The following ANKRD26 variants were observed in gnomAD, a reference collection of about 807,000 sequenced individuals.
ANKRD26 encodes the protein ankyrin repeat domain 26, also known as ankyrin repeat domain-containing protein 26.
ANKRD26 carries 141 observed loss-of-function variants against 208.7 expected under a neutral mutation model. The observed-to-expected ratio is 0.68, with a 90% CI of 0.59 to 0.78. ANKRD26 has a LOEUF of 0.78. Ranked by LOEUF, ANKRD26 falls within the 30% of genes least tolerant of loss-of-function variation. The pLI is 0.00. For synonymous variants in ANKRD26, 636 were observed against 660.4 expected (o/e 0.96, Z 0.57); for missense variants, 1,889 against 1,938.7 (o/e 0.97, Z 0.48).
Position 27,005,629 on chromosome 10 carries a change from T to C in ANKRD26, c.5094A>G (p.Arg1698=), listed in dbSNP as rs1444867800. 1.2e-6 allele frequency: 2 copies of C among 1,613,042 alleles called. No individual in the cohort carries two copies. Among genetic ancestry groups the C allele is most frequent in the Non-Finnish European group, 1.7e-6 (2 of 1,179,486 alleles). ...LNQDLVWKAS[R]EYVQVLKKNY... ...TTTTCTTTAAAACCTGTACATATTC[T>C]CTTGATGCTTTCCAAACTAGATCTT... The change falls in exon 34 of 34, where the codon AGA becomes AGG. Residue 1698 remains arginine, a synonymous_variant. Coordinates refer to ENST00000376087, the MANE Select transcript of ANKRD26 (RefSeq NM_014915.3).
At chr10:26,951,019 CTTTTTT>C in the ANKRD26 span, among the ~76,000 whole-genome samples, 3 of 48,582 alleles carry the variant, frequency 6.2e-5, no homozygotes, top group African/African-American at 1.7e-4. Context: ...TTTTCTTTTT[CTTTTTT>C]TTTTTTTTTT....
intron 18 of ANKRD26, among the ~76,000 whole-genome samples, chr10:27,044,924 G>T (rs2054388113): frequency 6.6e-6 from 1 of 152,124 alleles, no homozygotes; most frequent in African/African-American, 2.4e-5. Context: ...TAAGTGATAT[G>T]ATAGCAGATG....
At chr10:27,090,506 G>C (rs1327614578) in intron 4 of ANKRD26, among the ~76,000 whole-genome samples, 1 of 152,124 alleles carries the variant, frequency 6.6e-6, no homozygotes, top group East Asian at 1.9e-4. Flanking sequence ...TTGCCTGTCT[G>C]TGTAGAATTA....
intron 4 of ANKRD26, among the ~76,000 whole-genome samples, chr10:27,089,651 G>A (rs1411841454): frequency 6.6e-6 from 1 of 152,136 alleles, no homozygotes; most frequent in African/African-American, 2.4e-5. Flanking sequence ...AATTAGCCGG[G>A]CATGGTGGTA....
intron 20 of ANKRD26, 39 bp downstream of exon 20, chr10:27,043,387 G>C (rs750647033): frequency 6.3e-7 from 1 of 1,599,246 alleles, no homozygotes; most frequent in Non-Finnish European, 8.6e-7. Context: ...ATTACAATGG[G>C]ATACATAAAA....
At chr10:27,059,501 G>C (rs72807634) in intron 15 of ANKRD26, among the ~76,000 whole-genome samples, 1 of 152,096 alleles carries the variant, frequency 6.6e-6, no homozygotes, top group Non-Finnish European at 1.5e-5. Context: ...GAACGATAGC[G>C]AATTCAGCGT....
intron 5 of ANKRD26, among the ~76,000 whole-genome samples, chr10:26,976,345 G>C (rs963582444): frequency 1.3e-5 from 2 of 152,090 alleles, no homozygotes; most frequent in African/African-American, 4.8e-5. Context: ...CTCCGGAGTA[G>C]CTGGGATTAC....
the ANKRD26 span, among the ~76,000 whole-genome samples, chr10:26,959,377 A>G: frequency 6.6e-6 from 1 of 152,184 alleles, no homozygotes; most frequent in Non-Finnish European, 1.5e-5. Flanking sequence ...GACAATATCA[A>G]AAGGAATTAT....
intron 9 of ANKRD26, 80 bp from the exon 10 acceptor site, chr10:27,067,366 A>C: frequency 6.6e-7 from 1 of 1,506,786 alleles, no homozygotes. Flanking sequence ...TCACTGTATT[A>C]GTCCGTACTT....
chr10:27,099,181 G>A (rs1452442146), intron 1 of ANKRD26, among the ~76,000 whole-genome samples: 1 of 151,976 alleles, frequency 6.6e-6, no homozygotes, highest in South Asian at 2.1e-4. Context: ...AGTAGAGACG[G>A]GGTTTCACCA....
At chr10:26,952,277 C>T in the ANKRD26 span, among the ~76,000 whole-genome samples, 2 of 151,838 alleles carry the variant, frequency 1.3e-5, no homozygotes, top group East Asian at 3.9e-4. Flanking sequence ...GTGCCCACAG[C>T]TTCTAGGGAA....
intron 9 of ANKRD26, among the ~76,000 whole-genome samples, chr10:27,071,714 C>T (rs748950953): frequency 6.6e-6 from 1 of 152,016 alleles, no homozygotes; most frequent in African/African-American, 2.4e-5. Context: ...ACACGATGAA[C>T]CAGGTAGAAA....
At chr10:27,075,901 C>G (rs1441312637) in intron 9 of ANKRD26, among the ~76,000 whole-genome samples, 1 of 152,160 alleles carries the variant, frequency 6.6e-6, no homozygotes, top group Non-Finnish European at 1.5e-5. Context: ...TATGAAGTAT[C>G]TTCTCAGACC....
chr10:27,000,848 G>T (rs960978869), downstream of ANKRD26, among the ~76,000 whole-genome samples: 1 of 151,862 alleles, frequency 6.6e-6, no homozygotes, highest in African/African-American at 2.4e-5. Flanking sequence ...TACTAAAAAT[G>T]CAAAATCAAA....
At chr10:27,042,615 T>G (rs906375226) in intron 20 of ANKRD26, among the ~76,000 whole-genome samples, 4 of 152,020 alleles carry the variant, frequency 2.6e-5, no homozygotes, top group Non-Finnish European at 5.9e-5. Flanking sequence ...TTGCCAGGCT[T>G]GGTGGCGGGC....
intron 30 of ANKRD26, 127 bp downstream of exon 30, chr10:27,017,375 G>A (rs2053331870): frequency 1.1e-5 from 10 of 885,424 alleles, no homozygotes; most frequent in Admixed American, 4.4e-5. Flanking sequence ...AGAAACAGAT[G>A]CCATCATCCT....
At chr10:26,973,215 A>G (rs937806646), downstream of ANKRD26, among the ~76,000 whole-genome samples, 1 of 152,196 alleles carries the variant, frequency 6.6e-6, no homozygotes, top group African/African-American at 2.4e-5. Context: ...TTAAAATTCT[A>G]TGAATTAATT....
At chr10:27,039,917 T>A (rs1161871778) in intron 21 of ANKRD26, 48 bp downstream of exon 21, 4 of 1,538,838 alleles carry the variant, frequency 2.6e-6, no homozygotes, top group African/African-American at 1.4e-5. Context: ...ATTCTATATA[T>A]CTTTAGTACA....
chr10:26,972,653 T>C (rs925624391), downstream of ANKRD26, among the ~76,000 whole-genome samples: 9 of 149,236 alleles, frequency 6.0e-5, no homozygotes, highest in South Asian at 4.3e-4. Flanking sequence ...TGCAGTGGTG[T>C]GATCTTGGCT....
Sources: allele counts gnomAD v4.1 joint callset (sites outside exome capture counted in the v4.1 genomes callset), GRCh38; gene constraint gnomAD v4.1.1; transcripts MANE v1.5; gene names NCBI Gene and HGNC (gene_info 2026-07-23, HGNC 2026-07-21).